Variants in PTP4A1 observed in about 807,000 individuals in gnomAD.
The protein encoded by PTP4A1 is protein tyrosine phosphatase type IVA 1.
In PTP4A1, 9 loss-of-function variants were observed where a neutral mutation model predicts 20.5. That is an observed-to-expected ratio of 0.44 (90% confidence interval 0.26 to 0.77). The LOEUF (loss-of-function observed/expected upper bound fraction) is 0.77. Ranked by LOEUF, PTP4A1 falls within the 30% of genes least tolerant of loss-of-function variation. The pLI is 0.19. For synonymous variants in PTP4A1, 78 were observed against 67.4 expected, an observed-to-expected ratio of 1.16 and a Z score of -0.77; for missense variants, 137 against 218.8, an observed-to-expected ratio of 0.63 and a Z score of 2.36.
At chr6:63,552,217 T>C (rs571523411) in intron 3 of PTP4A1, among the ~76,000 whole-genome samples, 1 of 152,354 alleles carries the variant, frequency 6.6e-6, no homozygotes, top group East Asian at 1.9e-4. Flanking sequence ...ATTTCAATGA[T>C]TGGCATTCTA....
chr6:63,518,062 G>A (rs1158745504), upstream of PTP4A1, among the ~76,000 whole-genome samples: 7 of 149,326 alleles, frequency 4.7e-5, no homozygotes, highest in Non-Finnish European at 8.8e-5. Flanking sequence ...TAAGGCAAGA[G>A]AATTGCTTAA....
At chr6:63,572,086 T>C (rs1385325460), upstream of PTP4A1, 3 of 152,104 alleles carry the variant, frequency 2.0e-5, no homozygotes, top group East Asian at 5.8e-4. Context: ...AAGGATTGCA[T>C]TTTACGATTC....
chr6:63,529,177 G>GTATATATATGTGTGTATATATATATATA (rs1775339011), intron 2 of PTP4A1, among the ~76,000 whole-genome samples: 1 of 142,300 alleles, frequency 7.0e-6, no homozygotes, highest in African/African-American at 2.6e-5. Flanking sequence ...ATATATATAT[G>GTATATATATGTGTGTATATATATATATA]TATATATATG....
intron 2 of PTP4A1, among the ~76,000 whole-genome samples, chr6:63,534,182 C>T (rs764829614): frequency 6.6e-6 from 1 of 151,916 alleles, no homozygotes; most frequent in Non-Finnish European, 1.5e-5. Context: ...CCATTCATCA[C>T]AAATTGAACA....
intron 4 of PTP4A1, 78 bp from the exon 5 acceptor site, chr6:63,579,179 T>C: frequency 6.8e-7 from 1 of 1,464,458 alleles, no homozygotes; most frequent in South Asian, 1.3e-5. Context: ...TACTTCTGAG[T>C]TGGGGAATGT....
chr6:63,533,457 T>C (rs1213949500), intron 2 of PTP4A1, among the ~76,000 whole-genome samples: 1 of 152,160 alleles, frequency 6.6e-6, no homozygotes, highest in Non-Finnish European at 1.5e-5. Context: ...AATAATTACA[T>C]GAAAAAATAA....
At chr6:63,564,726 A>G (rs1363160889) in intron 3 of PTP4A1, among the ~76,000 whole-genome samples, 1 of 152,192 alleles carries the variant, frequency 6.6e-6, no homozygotes, top group Non-Finnish European at 1.5e-5. Context: ...ACTGTGGCAT[A>G]ATTCAACATG....
chr6:63,532,300 A>G (rs1411453831), intron 2 of PTP4A1, among the ~76,000 whole-genome samples: 1 of 152,124 alleles, frequency 6.6e-6, no homozygotes, highest in African/African-American at 2.4e-5. Context: ...ATTTTGGTAA[A>G]TCTCTATTAA....
upstream of PTP4A1, among the ~76,000 whole-genome samples, chr6:63,519,732 T>C (rs1030413304): frequency 2.6e-5 from 4 of 152,260 alleles, no homozygotes; most frequent in South Asian, 6.2e-4. Flanking sequence ...GTGACAGTTC[T>C]AATTCAATGT....
chr6:63,538,699 A>C (rs886137623), intron 2 of PTP4A1, among the ~76,000 whole-genome samples: 11 of 152,182 alleles, frequency 7.2e-5, no homozygotes, highest in Non-Finnish European at 1.2e-4. Flanking sequence ...TGCCTACAAT[A>C]GTTCAAAACA....
intron 2 of PTP4A1, among the ~76,000 whole-genome samples, chr6:63,535,240 A>C (rs1775666972): frequency 6.6e-6 from 1 of 152,088 alleles, no homozygotes; most frequent in South Asian, 2.1e-4. Flanking sequence ...CAAGGAGGGC[A>C]AATCACTTGA....
At chr6:63,571,872 C>T (rs1777444574), upstream of PTP4A1, 1 of 152,224 alleles carries the variant, frequency 6.6e-6, no homozygotes, top group Non-Finnish European at 1.5e-5. Context: ...AAAGCGCCCC[C>T]AGGGACAAGA....
At chr6:63,552,267 A>G (rs1251515851) in intron 3 of PTP4A1, among the ~76,000 whole-genome samples, 2 of 151,950 alleles carry the variant, frequency 1.3e-5, no homozygotes, top group Admixed American at 1.3e-4. Flanking sequence ...TTTTATTTGC[A>G]TTTCTCTGAT....
intron 1 of PTP4A1, among the ~76,000 whole-genome samples, chr6:63,573,007 T>G (rs1219875933): frequency 5.3e-5 from 8 of 151,294 alleles, no homozygotes; most frequent in Admixed American, 5.3e-4. Context: ...GGCGGCGCGG[T>G]CCGGCTTCTG....
chr6:63,523,019 C>G (rs1424823409), intron 1 of PTP4A1, among the ~76,000 whole-genome samples: 1 of 152,016 alleles, frequency 6.6e-6, no homozygotes, highest in East Asian at 1.9e-4. Context: ...CATGTGCCAC[C>G]ACGCTGATCT....
chr6:63,552,407 T>G (rs1220904019), intron 3 of PTP4A1, among the ~76,000 whole-genome samples: 1 of 152,238 alleles, frequency 6.6e-6, no homozygotes, highest in Admixed American at 6.5e-5. Flanking sequence ...TAAATTTGTT[T>G]GAGTTCTTTG....
At chr6:63,523,023 C>A (rs1775001374) in intron 1 of PTP4A1, among the ~76,000 whole-genome samples, 2 of 151,980 alleles carry the variant, frequency 1.3e-5, no homozygotes, top group African/African-American at 4.8e-5. Flanking sequence ...TGCCACCACG[C>A]TGATCTAATT....
At position 63,578,460 on chromosome 6, in the gene PTP4A1, C is replaced by A. The variant is rs748874149; in HGVS notation, c.129C>A (p.Thr43=). Residue 43 remains threonine (T), a synonymous_variant, in exon 3 of 6, where the codon ACC becomes ACA. Transcript: ENST00000626021. ...FIEELKKYGV[T]TIVRVCEATY... is the part of the protein sequence containing the mutation. The stretch of plus-strand genomic sequence containing the variant: ...AGGAACTTAAGAAGTATGGAGTTAC[C>A]ACAATAGTAAGAGTATGTGAAGCAA... 6 of 1,608,160 alleles carry A rather than the reference C, an allele frequency of 3.7e-6. No homozygotes were observed. The African/African-American group carries it at 8.1e-5, about 22-fold the overall frequency.
chr6:63,530,377 G>A (rs191122613), intron 2 of PTP4A1, among the ~76,000 whole-genome samples: 95 of 152,266 alleles, frequency 6.2e-4, no homozygotes, highest in African/African-American at 2.0e-3. Context: ...GGTACTGGAA[G>A]GCAGCCAGGA....
Sources: allele counts gnomAD v4.1 joint callset (sites outside exome capture counted in the v4.1 genomes callset), GRCh38; gene constraint gnomAD v4.1.1; transcripts MANE v1.5; gene names NCBI Gene and HGNC (gene_info 2026-07-23, HGNC 2026-07-21).